Variants in FOXJ3 observed in about 807,000 individuals in gnomAD.
FOXJ3 encodes forkhead box J3, also known as forkhead box protein J3.
In FOXJ3, 22 loss-of-function variants were observed where a neutral mutation model predicts 76.1. The ratio of observed to expected loss-of-function variants is 0.29; its 90% CI spans 0.21 to 0.41. The LOEUF is 0.41. Ranked by LOEUF, FOXJ3 falls within the 10% of genes least tolerant of loss-of-function variation. FOXJ3 has a pLI of 1.00. For missense variants in FOXJ3, 613 were observed against 762.1 expected, an observed-to-expected ratio of 0.80 and a Z score of 2.30; for synonymous variants, 269 against 261.2, an observed-to-expected ratio of 1.03 and a Z score of -0.29.
At chr1:42,200,941 T>C (rs1325718068) in intron 6 of FOXJ3, among the ~76,000 whole-genome samples, 1 of 152,226 alleles carries the variant, frequency 6.6e-6, no homozygotes, top group African/African-American at 2.4e-5. Context: ...TTCTTTACAG[T>C]AGTCTTCTGC....
intron 6 of FOXJ3, 106 bp from the exon 7 acceptor site, chr1:42,199,336 T>C (rs1327267814): frequency 7.7e-6 from 7 of 911,750 alleles, no homozygotes; most frequent in Admixed American, 2.1e-5. Context: ...AAAATCTCAG[T>C]GGCCTTTCCC....
intron 1 of FOXJ3, among the ~76,000 whole-genome samples, chr1:42,333,798 G>A (rs1422916254): frequency 6.6e-6 from 1 of 152,156 alleles, no homozygotes; most frequent in Non-Finnish European, 1.5e-5. Context: ...AGAGTAAGAG[G>A]AAAAGTGAAG....
intron 4 of FOXJ3, 128 bp from the exon 5 acceptor site, chr1:42,228,094 C>T (rs1647725077): frequency 6.9e-6 from 3 of 432,978 alleles, no homozygotes; most frequent in Non-Finnish European, 1.2e-5. Flanking sequence ...ACAAGAAACA[C>T]TTGTTTTGAA....
At chr1:42,227,137 T>C (rs1647638252) in intron 5 of FOXJ3, among the ~76,000 whole-genome samples, 1 of 151,098 alleles carries the variant, frequency 6.6e-6, no homozygotes, top group Non-Finnish European at 1.5e-5. Flanking sequence ...CATAAAAGAG[T>C]TTTATAAAAA....
intron 2 of FOXJ3, among the ~76,000 whole-genome samples, chr1:42,299,365 A>G (rs1389791011): frequency 1.1e-5 from 1 of 90,122 alleles, no homozygotes; most frequent in South Asian, 3.3e-4. Flanking sequence ...TATAATGCTC[A>G]TCTTTTTTTT....
chr1:42,247,378 T>C (rs1366748657), intron 4 of FOXJ3, among the ~76,000 whole-genome samples: 3 of 152,172 alleles, frequency 2.0e-5, no homozygotes, highest in Non-Finnish European at 4.4e-5. Flanking sequence ...TTGCAAATTA[T>C]ATTAGCAATA....
chr1:42,209,810 G>A (rs934371584), intron 5 of FOXJ3, among the ~76,000 whole-genome samples: 2 of 152,222 alleles, frequency 1.3e-5, no homozygotes, highest in African/African-American at 2.4e-5. Context: ...GTCACAGGTT[G>A]AGAGACACTC....
At chr1:42,265,986 T>C (rs950862274) in intron 3 of FOXJ3, among the ~76,000 whole-genome samples, 5 of 152,156 alleles carry the variant, frequency 3.3e-5, no homozygotes, top group Non-Finnish European at 7.4e-5. Flanking sequence ...CCAAAGTCCA[T>C]TTCTTCTCAA....
chr1:42,303,261 C>G (rs1654267820), intron 2 of FOXJ3, among the ~76,000 whole-genome samples: 1 of 152,162 alleles, frequency 6.6e-6, no homozygotes, highest in African/African-American at 2.4e-5. Context: ...CTTAACTTTA[C>G]CTCAGTTTCC....
At chr1:42,312,343 C>T (rs187044131) in intron 1 of FOXJ3, among the ~76,000 whole-genome samples, 137 of 152,238 alleles carry the variant, frequency 9.0e-4, no homozygotes, top group African/African-American at 3.1e-3. Context: ...CAGGTATAAG[C>T]GACTGCACCT....
chr1:42,327,324 T>C (rs1444792633), intron 1 of FOXJ3, among the ~76,000 whole-genome samples: 1 of 152,188 alleles, frequency 6.6e-6, no homozygotes. Flanking sequence ...CATGTATCAT[T>C]CACCTCCTGC....
Position 42,191,608 on chromosome 1 carries a change from A to G in FOXJ3, c.1046T>C (p.Leu349Pro). ...STHPHSNQSSLSNSHGSGLNT... is the reference protein window; with the variant it reads ...STHPHSNQSSPSNSHGSGLNT... Reference sequence around the variant, plus strand: ...GAGGCCACTGCCATGACTGTTGGACAGGCTGCTTTGGTTGCTGTGTGGGTG... The same window carrying G: ...GAGGCCACTGCCATGACTGTTGGACGGGCTGCTTTGGTTGCTGTGTGGGTG... The change falls in exon 9 of 13, where the codon CTG becomes CCG. Residue 349 changes from leucine to proline, a missense_variant. By Grantham distance (98) the Leu-to-Pro change is moderately conservative. Coordinates refer to ENST00000361346, the MANE Select transcript of FOXJ3 (RefSeq NM_014947.5). 6.2e-7 allele frequency: 1 copy of G among 1,614,170 alleles called. No individual in the cohort carries two copies. The highest frequency in any genetic ancestry group is 8.5e-7 in the Non-Finnish European group (1 of 1,180,032).
intron 3 of FOXJ3, among the ~76,000 whole-genome samples, chr1:42,266,876 G>C (rs1651504049): frequency 6.6e-6 from 1 of 152,080 alleles, no homozygotes; most frequent in Admixed American, 6.6e-5. Context: ...GGGAAGAATG[G>C]AAACAAAACC....
intron 3 of FOXJ3, among the ~76,000 whole-genome samples, chr1:42,274,855 T>C (rs1652137632): frequency 3.4e-5 from 5 of 147,724 alleles, no homozygotes; most frequent in African/African-American, 5.0e-5. Flanking sequence ...GCTGAAATAA[T>C]AGGGCAATAT....
chr1:42,281,188 G>C (rs1652680631), intron 2 of FOXJ3, among the ~76,000 whole-genome samples: 1 of 126,322 alleles, frequency 7.9e-6, no homozygotes, highest in South Asian at 2.7e-4. Context: ...TGTGTAAAGA[G>C]CTATGTTACA....
intron 3 of FOXJ3, among the ~76,000 whole-genome samples, chr1:42,271,486 A>G (rs1651861889): frequency 6.6e-6 from 1 of 152,106 alleles, no homozygotes; most frequent in Admixed American, 6.6e-5. Context: ...TTTCACAACA[A>G]TGACCAAACA....
At chr1:42,281,094 C>A (rs541180710) in intron 2 of FOXJ3, among the ~76,000 whole-genome samples, 31 of 152,156 alleles carry the variant, frequency 2.0e-4, no homozygotes, top group African/African-American at 7.5e-4. Context: ...TCCACCAGTG[C>A]CAGTAATGAG....
chr1:42,279,809 T>TA (rs942372550), intron 2 of FOXJ3, among the ~76,000 whole-genome samples: 74 of 150,418 alleles, frequency 4.9e-4, no homozygotes, highest in African/African-American at 1.6e-3. Context: ...GACAACAAAA[T>TA]AAAAAAAAAC....
intron 2 of FOXJ3, among the ~76,000 whole-genome samples, chr1:42,297,945 T>C (rs1021066235): frequency 2.0e-5 from 3 of 152,200 alleles, no homozygotes; most frequent in Admixed American, 2.0e-4. Flanking sequence ...TTTTTATTGT[T>C]AGAAGGTAAT....
Sources: allele counts gnomAD v4.1 joint callset (sites outside exome capture counted in the v4.1 genomes callset), GRCh38; gene constraint gnomAD v4.1.1; transcripts MANE v1.5; gene names NCBI Gene and HGNC (gene_info 2026-07-23, HGNC 2026-07-21).